Variants in LRRC75A observed in about 807,000 individuals in gnomAD.
The protein encoded by LRRC75A is leucine-rich repeat-containing protein 75A.
Under a neutral mutation model 26.0 loss-of-function variants are expected in LRRC75A, and 12 were observed. The ratio of observed to expected loss-of-function variants is 0.46; its 90% CI spans 0.30 to 0.75. The LOEUF (loss-of-function observed/expected upper bound fraction) is 0.75. Ranked by LOEUF, LRRC75A falls within the 30% of genes least tolerant of loss-of-function variation. LRRC75A has a pLI of 0.08. For synonymous variants in LRRC75A, 223 were observed against 219.3 expected (o/e 1.02, Z -0.15); for missense variants, 410 against 486.6 (o/e 0.84, Z 1.48).
At chr17:16,471,751 A>G (rs2093806900) in intron 1 of LRRC75A, among the ~76,000 whole-genome samples, 1 of 152,242 alleles carries the variant, frequency 6.6e-6, no homozygotes, top group South Asian at 2.1e-4. Context: ...GACACTGTCC[A>G]CGACAAGGAT....
At chr17:16,476,305 T>G (rs1477076567) in intron 1 of LRRC75A, among the ~76,000 whole-genome samples, 1 of 151,828 alleles carries the variant, frequency 6.6e-6, no homozygotes, top group Non-Finnish European at 1.5e-5. Flanking sequence ...GAGGTGGAGG[T>G]TGCAGTGAGT....
chr17:16,454,917 CTTT>C (rs2093664433), intron 2 of LRRC75A, among the ~76,000 whole-genome samples: 4 of 150,566 alleles, frequency 2.7e-5, no homozygotes, highest in African/African-American at 9.8e-5. Flanking sequence ...CATTTCTTTT[CTTT>C]TCTTTTCTTT....
At position 16,491,708 on chromosome 17, in the gene LRRC75A, G is replaced by GCCCCGCGCGCCCCGCCTTGTC; in HGVS notation, c.246+36_246+37insGACAAGGCGGGGCGCGCGGGG. The GCCCCGCGCGCCCCGCCTTGTC allele has an allele frequency of 7.7e-7, 1 of 1,291,596 alleles. No homozygotes were observed. Among genetic ancestry groups the GCCCCGCGCGCCCCGCCTTGTC allele is most frequent in the Non-Finnish European group, 9.8e-7 (1 of 1,020,008 alleles). The allele number at this position is 1,291,596 out of a possible 1,614,324, so 80.0% of individuals were successfully genotyped here. ...CCCCCCCGGCCCAGCACGCCCCCTGGCCCGGCGCGCCCCCCGCGCCCCCTC... is the reference window on the plus strand; with the variant it reads ...CCCCCCCGGCCCAGCACGCCCCCTGGCCCCGCGCGCCCCGCCTTGTCCCCGGCGCGCCCCCCGCGCCCCCTC... On this transcript the variant is annotated intron_variant, in intron 1 of 3. Transcript: ENST00000470794. This position sits in a 1 kb window ranked among gnomAD's most constrained non-coding sequence, Gnocchi z 5.9.
intron 3 of LRRC75A, among the ~76,000 whole-genome samples, 192 bp downstream of exon 3, chr17:16,447,649 TCCTC>T (rs933290649): frequency 6.6e-6 from 1 of 151,972 alleles, no homozygotes; most frequent in African/African-American, 2.4e-5. Flanking sequence ...TCTCACATCT[TCCTC>T]CCACCCACCA....
chr17:16,475,126 G>A (rs114316893), intron 1 of LRRC75A, among the ~76,000 whole-genome samples: 2,826 of 152,150 alleles, frequency 0.019, 106 homozygotes, highest in African/African-American at 0.065. Flanking sequence ...AAGCAGGAGT[G>A]TCTTCATAGG....
intron 2 of LRRC75A, among the ~76,000 whole-genome samples, chr17:16,456,096 A>AGT (rs1287719519): frequency 5.2e-4 from 67 of 128,314 alleles, no homozygotes; most frequent in African/African-American, 2.0e-3. Context: ...GAGGAGGAGG[A>AGT]AGGGGAGGGG....
intron 1 of LRRC75A, chr17:16,478,325 T>C (rs1460772284): frequency 6.6e-6 from 1 of 151,946 alleles, no homozygotes; most frequent in Non-Finnish European, 1.5e-5. Context: ...GTAGTTGGGA[T>C]TAGGCACACA....
At chr17:16,448,024 G>T in intron 2 of LRRC75A, 64 bp from the exon 3 acceptor site, 1 of 1,407,024 alleles carries the variant, frequency 7.1e-7, no homozygotes, top group South Asian at 1.2e-5. Flanking sequence ...CAGCCCCCAG[G>T]CTTCCTGTCT....
At position 16,491,493 on chromosome 17, in the gene LRRC75A, G is replaced by A. The variant is rs896094763; in HGVS notation, c.246+252C>T. On this transcript the variant is annotated intron_variant, in intron 1 of 3. Coordinates refer to ENST00000470794, the MANE Select transcript of LRRC75A (RefSeq NM_001113567.3). This position sits in a 1 kb window ranked among gnomAD's most constrained non-coding sequence, Gnocchi z 5.9. ...TTCTCTGCCTGCGGAGGAGAGCAGT[G>A]GGGACATTATGCCAACAGGTCCCCT... Among the ~76,000 whole-genome samples the A allele has an allele frequency of 6.6e-6, 1 of 152,232 alleles. No homozygotes were observed. The highest frequency in any genetic ancestry group is 1.5e-5 in the Non-Finnish European group (1 of 68,032).
intron 1 of LRRC75A, among the ~76,000 whole-genome samples, chr17:16,474,408 G>C (rs1389777369): frequency 6.6e-6 from 1 of 152,218 alleles, no homozygotes; most frequent in Non-Finnish European, 1.5e-5. Context: ...GACTCCGAAA[G>C]GGTGGTGGCA....
intron 1 of LRRC75A, among the ~76,000 whole-genome samples, chr17:16,464,556 C>A (rs758763216): frequency 3.9e-5 from 6 of 152,196 alleles, no homozygotes; most frequent in Non-Finnish European, 8.8e-5. Context: ...GCAGCAGTGC[C>A]CTTTCTACTA....
intron 1 of LRRC75A, among the ~76,000 whole-genome samples, chr17:16,490,475 T>G (rs2093855007): frequency 6.6e-6 from 1 of 152,228 alleles, no homozygotes; most frequent in African/African-American, 2.4e-5. Context: ...GGCATCATTC[T>G]GGAAGTTGTT....
rs147019550 is a variant in LRRC75A at position 16,453,348 on chromosome 17, G to GCA, written c.376-5390_376-5389dup. ...CACACGCACACGCACACACGCACAC[G>GCA]CACACACACACACACGAGAACAGAG... On this transcript the variant is annotated intron_variant, in intron 2 of 3. Transcript: ENST00000470794. 5.7e-3 allele frequency among the ~76,000 whole-genome samples: 830 copies of GCA among 145,902 alleles called. 7 individuals are homozygous for GCA. The highest frequency in any genetic ancestry group is 0.015 in the African/African-American group (586 of 39,950).
At chr17:16,465,467 G>A (rs1471463404) in intron 1 of LRRC75A, among the ~76,000 whole-genome samples, 1 of 152,220 alleles carries the variant, frequency 6.6e-6, no homozygotes, top group Non-Finnish European at 1.5e-5. Flanking sequence ...AGAGGTGAGA[G>A]GAACCAGCAG....
chr17:16,444,020 C>T lies in LRRC75A; in HGVS notation c.603G>A (p.Gly201=). ...CCAGCTCCACGCTGTCTACCTGCTC[C>T]CCACAGCGCTGTAGGTAGCTGGTCA... The part of the protein sequence containing the change: ...ERVTSYLQRC[G]EQVDSVELGF... Residue 201 remains glycine (G), a synonymous_variant, in exon 4 of 4, where the codon GGG becomes GGA. Transcript: ENST00000470794. 2.5e-6 allele frequency: 4 copies of T among 1,613,876 alleles called. No homozygotes were observed. In the South Asian group the frequency reaches 3.3e-5, roughly 13 times the overall value.
Position 16,460,617 on chromosome 17 carries a change from C to T in LRRC75A, c.375+1641G>A, listed in dbSNP as rs374520624. Among the ~76,000 whole-genome samples, 42 of 152,376 alleles carry T rather than the reference C, an allele frequency of 2.8e-4. No homozygotes were observed. The East Asian group carries it at 5.2e-3, about 19-fold the overall frequency. On this transcript the variant is annotated intron_variant, in intron 2 of 3. Transcript: ENST00000470794. ...AGGGACCACCGGCCTGTGTCCCGCC[C>T]GGCTCTGGGTCACTGCATAGGCCCA...
At chr17:16,454,575 C>T (rs1391036235) in intron 2 of LRRC75A, among the ~76,000 whole-genome samples, 7 of 151,818 alleles carry the variant, frequency 4.6e-5, no homozygotes, top group Non-Finnish European at 1.0e-4. Flanking sequence ...TCTGTAATCC[C>T]AGCTGCTCGG....
At chr17:16,476,285 T>C (rs186541983) in intron 1 of LRRC75A, among the ~76,000 whole-genome samples, 391 of 151,492 alleles carry the variant, frequency 2.6e-3, no homozygotes, top group African/African-American at 9.2e-3. Context: ...GAAGAATCAC[T>C]TGAACCCGGG....
intron 1 of LRRC75A, among the ~76,000 whole-genome samples, chr17:16,479,010 C>T (rs2093827464): frequency 6.6e-6 from 1 of 152,210 alleles, no homozygotes; most frequent in South Asian, 2.1e-4. Context: ...TATGAACAGT[C>T]TGGGAAGCTT....
Sources: allele counts gnomAD v4.1 joint callset (sites outside exome capture counted in the v4.1 genomes callset), GRCh38; gene constraint gnomAD v4.1.1; non-coding constraint Gnocchi (gnomAD v3.1); transcripts MANE v1.5; gene names NCBI Gene and HGNC (gene_info 2026-07-23, HGNC 2026-07-21).